The following FAM229B variants were observed in gnomAD, a reference collection of about 807,000 sequenced individuals.
The protein encoded by FAM229B is protein FAM229B.
FAM229B carries 2 observed loss-of-function variants against 6.7 expected under a neutral mutation model. That is an observed-to-expected ratio of 0.30 (90% confidence interval 0.12 to 0.94). The LOEUF (loss-of-function observed/expected upper bound fraction) is 0.94. Among genes scored for constraint, FAM229B ranks in the 40% least tolerant of loss-of-function variants. FAM229B has a pLI of 0.54. For synonymous variants in FAM229B, 29 were observed against 34.0 expected (o/e 0.85, Z 0.51); for missense variants, 93 against 96.2 (o/e 0.97, Z 0.14).
At chr6:112,090,815 T>A (rs1554318115) in intron 1 of FAM229B, among the ~76,000 whole-genome samples, 1 of 152,230 alleles carries the variant, frequency 6.6e-6, no homozygotes, top group Non-Finnish European at 1.5e-5. Flanking sequence ...TAAATCAATC[T>A]GATTAACATA....
chr6:112,099,191 C>G, intron 2 of FAM229B, 79 bp from the exon 3 acceptor site: 1 of 1,274,034 alleles, frequency 7.8e-7, no homozygotes, highest in East Asian at 2.4e-5. Flanking sequence ...CCATGCAAGT[C>G]TTTGAAGACA....
intron 3 of FAM229B, 128 bp from the exon 4 acceptor site, chr6:112,100,542 A>G (rs1583608678): frequency 7.8e-6 from 5 of 642,004 alleles, no homozygotes; most frequent in Admixed American, 5.3e-5. Flanking sequence ...TGTTGTACTC[A>G]TTGTATGACA....
intron 2 of FAM229B, 31 bp from the exon 3 acceptor site, chr6:112,099,239 A>T (rs782483972): frequency 1.9e-6 from 3 of 1,581,130 alleles, no homozygotes; most frequent in African/African-American, 2.7e-5. Context: ...TTTCTAATCT[A>T]GGTTTTCAAT....
At position 112,100,974 on chromosome 6, in the gene FAM229B, GTCTGATACA is replaced by G; in HGVS notation, c.*189_*197del. On this transcript the variant is annotated 3_prime_UTR_variant, in exon 4 of 4. Coordinates refer to ENST00000368656, the MANE Select transcript of FAM229B (RefSeq NM_001033564.3). ...CATGTAGTGATAGGCTATCAGTTAT[GTCTGATACA>G]TAAGACAGAATAATATTTCACAATT... 1.8e-6 allele frequency: 1 copy of G among 549,586 alleles called. No homozygotes were observed. The highest frequency in any genetic ancestry group is 3.2e-6 in the Non-Finnish European group (1 of 308,224). 34.0% of individuals were successfully genotyped at this position (549,586 alleles called of 1,614,324 possible).
At chr6:112,098,783 C>T (rs1344765464) in intron 2 of FAM229B, among the ~76,000 whole-genome samples, 2 of 152,174 alleles carry the variant, frequency 1.3e-5, no homozygotes. Context: ...TAAAGGCATA[C>T]AGAATTTTGT....
At chr6:112,091,374 A>G (rs949133669) in intron 1 of FAM229B, among the ~76,000 whole-genome samples, 19 of 152,168 alleles carry the variant, frequency 1.2e-4, no homozygotes, top group African/African-American at 4.3e-4. Context: ...GGAAAGAACC[A>G]CTGGAAATAA....
At chr6:112,095,976 C>A (rs1777319812) in intron 1 of FAM229B, among the ~76,000 whole-genome samples, 1 of 152,168 alleles carries the variant, frequency 6.6e-6, no homozygotes, top group Non-Finnish European at 1.5e-5. Flanking sequence ...ATGTAAAATG[C>A]CAGTTTTCTA....
intron 1 of FAM229B, among the ~76,000 whole-genome samples, chr6:112,092,839 A>T (rs587598018): frequency 6.6e-6 from 1 of 152,062 alleles, no homozygotes; most frequent in East Asian, 1.9e-4. Flanking sequence ...TGAACTATGA[A>T]AAGTTAAATA....
chr6:112,095,458 C>T (rs1777308853), intron 1 of FAM229B, among the ~76,000 whole-genome samples: 1 of 151,380 alleles, frequency 6.6e-6, no homozygotes, highest in Admixed American at 6.6e-5. Flanking sequence ...ATGGTAAAAC[C>T]CTCTATCTAC....
Position 112,087,596 on chromosome 6 carries a change from A to C in FAM229B, c.-300A>C, listed in dbSNP as rs954788763. ...GGTTCAGGCTAAGGTTTTCCGTCAG[A>C]AGGCCGCGCAAGTGCACTTGCGTGT... On this transcript the variant is annotated 5_prime_UTR_variant, in exon 1 of 4. Coordinates refer to ENST00000368656, the MANE Select transcript of FAM229B (RefSeq NM_001033564.3). 6.7e-6 allele frequency: 5 copies of C among 741,132 alleles called. No homozygotes were observed. In the African/African-American group the frequency reaches 7.1e-5, roughly 11 times the overall value. 45.9% of individuals were successfully genotyped at this position (741,132 alleles called of 1,614,324 possible). A position where few individuals can be genotyped will look rare whatever the true frequency, so the allele number is the denominator to read the frequency against.
At chr6:112,099,501 C>A in intron 3 of FAM229B, 93 bp downstream of exon 3, 2 of 1,226,326 alleles carry the variant, frequency 1.6e-6, no homozygotes, top group Non-Finnish European at 2.2e-6. Context: ...AGAAAAAACT[C>A]TCAGCAATTC....
At position 112,100,728 on chromosome 6, in the gene FAM229B, G is replaced by GA; in HGVS notation, c.184_185insA (p.Val62AspfsTer19). The GA allele has an allele frequency of 6.2e-7, 1 of 1,614,044 alleles. No individual in the cohort carries two copies. Among genetic ancestry groups the GA allele is most frequent in the Non-Finnish European group, 8.5e-7 (1 of 1,179,950 alleles). ...GACAATAACTGATGTTCCCGTCACT[G>GA]TTTATGCAACAACGAGAAAGCCACC... On this transcript the variant is annotated frameshift_variant, in exon 4 of 4. Coordinates refer to ENST00000368656, the MANE Select transcript of FAM229B (RefSeq NM_001033564.3). LOFTEE classifies it high-confidence loss of function.
intron 1 of FAM229B, among the ~76,000 whole-genome samples, chr6:112,091,641 A>G (rs918903400): frequency 5.3e-5 from 8 of 152,152 alleles, no homozygotes; most frequent in Non-Finnish European, 8.8e-5. Context: ...ACTTAGAGGA[A>G]TAAAAATAAA....
intron 1 of FAM229B, among the ~76,000 whole-genome samples, chr6:112,090,893 C>T (rs985779027): frequency 5.9e-5 from 9 of 152,078 alleles, no homozygotes; most frequent in African/African-American, 2.2e-4. Context: ...TTTAGCAGTT[C>T]TGAAATATAT....
intron 1 of FAM229B, 140 bp downstream of exon 1, chr6:112,087,860 G>A (rs1777198325): frequency 5.1e-6 from 1 of 195,298 alleles, no homozygotes; most frequent in Non-Finnish European, 1.0e-5. Context: ...GGGACGCTGC[G>A]TTGGCATCTC....
At chr6:112,099,024 T>C (rs34405729) in intron 2 of FAM229B, among the ~76,000 whole-genome samples, 34,057 of 152,096 alleles carry the variant, frequency 0.22, 3,994 homozygotes, top group East Asian at 0.32. Context: ...GGCAGGCACG[T>C]TGTGTGCACC....
At chr6:112,096,127 GT>G (rs1428144850) in intron 1 of FAM229B, among the ~76,000 whole-genome samples, 80 of 152,324 alleles carry the variant, frequency 5.3e-4, no homozygotes, top group African/African-American at 1.8e-3. Flanking sequence ...ACATTACTGA[GT>G]AGAGGAGAAG....
chr6:112,097,823 A>G (rs1554318826), intron 2 of FAM229B, among the ~76,000 whole-genome samples: 1 of 152,244 alleles, frequency 6.6e-6, no homozygotes, highest in African/African-American at 2.4e-5. Flanking sequence ...CTGTGTGACA[A>G]GCACTGTTCT....
At position 112,102,190 on chromosome 6, in the gene FAM229B, A is replaced by T. The variant is rs1777406955; in HGVS notation, c.*1403A>T. ...CAGGAAGGAGAAAGGAGTGATGAAA[A>T]ATTCCTCAGAGGGCTGGGCTTGGTG... On this transcript the variant is annotated 3_prime_UTR_variant, in exon 4 of 4. Transcript: ENST00000368656. 1 of 152,172 alleles carries T rather than the reference A, an allele frequency of 6.6e-6. No individual in the cohort carries two copies. Among genetic ancestry groups the T allele is most frequent in the East Asian group, 1.9e-4 (1 of 5,196 alleles). 9.4% of individuals were successfully genotyped at this position (152,172 alleles called of 1,614,324 possible).
Sources: gnomAD v4.1 joint callset for allele counts (sites outside exome capture counted in the v4.1 genomes callset) on GRCh38, gnomAD v4.1.1 for gene constraint, MANE v1.5 for transcripts, NCBI Gene and HGNC (gene_info 2026-07-23, HGNC 2026-07-21) for gene names.